SLCO6A1: variants seen among roughly 807,000 people sequenced by gnomAD.
SLCO6A1 encodes the protein solute carrier organic anion transporter family member 6A1.
Under a neutral mutation model 72.7 loss-of-function variants are expected in SLCO6A1, and 65 were observed. The ratio of observed to expected loss-of-function variants is 0.89; its 90% CI spans 0.73 to 1.10. The LOEUF (loss-of-function observed/expected upper bound fraction) is 1.10. Among genes scored for constraint, SLCO6A1 ranks in the 50% least tolerant of loss-of-function variants. The probability of loss-of-function intolerance (pLI) is 0.00; values close to 1 mark genes in which losing one functional copy is unlikely to be tolerated. For missense variants in SLCO6A1, 874 were observed against 872.6 expected, an observed-to-expected ratio of 1.00 and a Z score of -0.02; for synonymous variants, 314 against 298.2, an observed-to-expected ratio of 1.05 and a Z score of -0.55.
rs531261529 is a variant in SLCO6A1, at chr5:102,486,657, A to C, written c.359-6223T>G. Among the ~76,000 whole-genome samples the C allele has an allele frequency of 6.4e-4, 97 of 152,246 alleles. No homozygotes were observed. The Middle Eastern group carries it at 0.01, about 16-fold the overall frequency. On this transcript the variant is annotated intron_variant, in intron 1 of 13. Transcript: ENST00000506729. ...CTTGAACATGAATAAATGTTTGTAAATGTTGATGTTAAATATTATATTTTC... is the reference window on the plus strand; with the variant it reads ...CTTGAACATGAATAAATGTTTGTAACTGTTGATGTTAAATATTATATTTTC...
chr5:102,384,305 T>G (rs981422227), intron 12 of SLCO6A1, among the ~76,000 whole-genome samples: 18 of 151,952 alleles, frequency 1.2e-4, no homozygotes, highest in Admixed American at 3.9e-4. Flanking sequence ...TGATTAGAGA[T>G]TTTAACCTAT....
chr5:102,408,452 A>G (rs1747792570), intron 9 of SLCO6A1, among the ~76,000 whole-genome samples: 1 of 152,154 alleles, frequency 6.6e-6, no homozygotes, highest in Non-Finnish European at 1.5e-5. Context: ...GACTGAAGAT[A>G]CTCTGTGAAA....
chr5:102,442,935 C>T (rs937053436), intron 6 of SLCO6A1, among the ~76,000 whole-genome samples: 3 of 152,102 alleles, frequency 2.0e-5, no homozygotes, highest in African/African-American at 7.2e-5. Context: ...CAGTGGCTCA[C>T]GCCTGTAATC....
chr5:102,476,263 G>C (rs1367642937), intron 3 of SLCO6A1, among the ~76,000 whole-genome samples: 1 of 151,962 alleles, frequency 6.6e-6, no homozygotes, highest in Non-Finnish European at 1.5e-5. Flanking sequence ...CAAAGACATA[G>C]AGAACAGACA....
At chr5:102,465,318 T>G (rs1233828651) in intron 4 of SLCO6A1, among the ~76,000 whole-genome samples, 25 of 150,612 alleles carry the variant, frequency 1.7e-4, no homozygotes, top group Middle Eastern at 3.2e-3. Context: ...TTAGTGGATA[T>G]ATATATATAT....
At chr5:102,451,757 C>T (rs1316178912) in intron 6 of SLCO6A1, among the ~76,000 whole-genome samples, 1 of 152,186 alleles carries the variant, frequency 6.6e-6, no homozygotes, top group Non-Finnish European at 1.5e-5. Context: ...CATGTTGCTT[C>T]CTTGATGAAT....
chr5:102,379,754 TTA>T (rs948674580), intron 12 of SLCO6A1, among the ~76,000 whole-genome samples: 3 of 144,064 alleles, frequency 2.1e-5, no homozygotes, highest in African/African-American at 7.8e-5. Flanking sequence ...CATATGAATT[TTA>T]GTTATTTTGT....
chr5:102,491,735 A>C (rs1336770423), intron 1 of SLCO6A1, among the ~76,000 whole-genome samples: 1 of 151,948 alleles, frequency 6.6e-6, no homozygotes, highest in South Asian at 2.1e-4. Context: ...CTCCCTCCAC[A>C]CCTTCTTGCA....
intron 6 of SLCO6A1, 30 bp downstream of exon 6, chr5:102,458,352 G>T: frequency 6.7e-7 from 1 of 1,493,468 alleles, no homozygotes; most frequent in Non-Finnish European, 9.3e-7. Flanking sequence ...CAACTTAGTT[G>T]GATTGTTCAA....
chr5:102,386,383 G>A (rs184350917), intron 12 of SLCO6A1, among the ~76,000 whole-genome samples: 58 of 152,280 alleles, frequency 3.8e-4, no homozygotes, highest in African/African-American at 1.3e-3. Context: ...CTTTTGGGGT[G>A]GGCCTTGTTT....
chr5:102,398,686 G>T lies in SLCO6A1; in HGVS notation c.1814+869C>A, dbSNP rs867084915. On this transcript the variant is annotated intron_variant, in intron 10 of 13. Transcript: ENST00000506729. ...AGAAGGTCGTGTTAATGTGAATTGGGCCCTTACCTAGCTCAAATCTCTTTG... is the reference window on the plus strand; with the variant it reads ...AGAAGGTCGTGTTAATGTGAATTGGTCCCTTACCTAGCTCAAATCTCTTTG... Among the ~76,000 whole-genome samples the T allele has an allele frequency of 1.3e-4, 20 of 152,142 alleles. No individual in the cohort carries two copies. The South Asian group carries it at 3.9e-3, about 30-fold the overall frequency.
rs1429570180 is a variant in SLCO6A1 at position 102,475,717 on chromosome 5, C to A, written c.879G>T (p.Glu293Asp). The A allele has an allele frequency of 6.2e-7, 1 of 1,602,340 alleles. No individual in the cohort carries two copies. Among genetic ancestry groups the A allele is most frequent in the Non-Finnish European group, 8.5e-7 (1 of 1,174,068 alleles). The part of the protein sequence containing the change: ...VLGAPLVKVP[E>D]NTTSATNTTV... ...CTTACTTTGTTGCAGAAGTAGTATT[C>A]TCAGGGACTTTAACTAGTGGTGCTC... is the stretch of plus-strand genomic sequence containing the variant. The change falls in exon 4 of 14, where the codon GAG (glutamate) becomes GAT (aspartate). Residue 293 changes from glutamate to aspartate, a missense_variant. Transcript: ENST00000506729.
chr5:102,490,923 G>T lies in SLCO6A1; in HGVS notation c.358+7564C>A, dbSNP rs908169859. Among the ~76,000 whole-genome samples, 5 of 152,138 alleles carry T rather than the reference G, an allele frequency of 3.3e-5. No homozygotes were observed. In the East Asian group the frequency reaches 5.8e-4, roughly 18 times the overall value. ...AGTGTGGAAGCGGACTCAGGGGGTTGCCACAGCTGGCTCCGGTAGCCTGCT... is the reference window on the plus strand; with the variant it reads ...AGTGTGGAAGCGGACTCAGGGGGTTTCCACAGCTGGCTCCGGTAGCCTGCT... On this transcript the variant is annotated intron_variant, in intron 1 of 13. Coordinates refer to ENST00000506729, the MANE Select transcript of SLCO6A1 (RefSeq NM_173488.5).
At chr5:102,438,146 T>G (rs925126111) in intron 7 of SLCO6A1, among the ~76,000 whole-genome samples, 1 of 151,950 alleles carries the variant, frequency 6.6e-6, no homozygotes, top group Non-Finnish European at 1.5e-5. Context: ...ACATAAACAA[T>G]AGTATACTCA....
intron 12 of SLCO6A1, among the ~76,000 whole-genome samples, chr5:102,384,868 A>T (rs1746319433): frequency 6.6e-6 from 1 of 152,000 alleles, no homozygotes; most frequent in Admixed American, 6.6e-5. Flanking sequence ...CAACATTAAG[A>T]CCTCCCTTTA....
chr5:102,449,256 T>C (rs1218436579), intron 6 of SLCO6A1, among the ~76,000 whole-genome samples: 1 of 152,148 alleles, frequency 6.6e-6, no homozygotes, highest in African/African-American at 2.4e-5. Flanking sequence ...GGGTTGACTT[T>C]GTAGGTGACC....
At chr5:102,388,254 AACTC>A (rs1317405544) in intron 12 of SLCO6A1, among the ~76,000 whole-genome samples, 1 of 152,186 alleles carries the variant, frequency 6.6e-6, no homozygotes, top group Non-Finnish European at 1.5e-5. Context: ...TTACATATTT[AACTC>A]ACTGACTCAA....
rs1383554223 is a variant in SLCO6A1, at chr5:102,498,749, G to A, written c.96C>T (p.Asp32=). 2 of 1,614,080 alleles carry A rather than the reference G, an allele frequency of 1.2e-6. No homozygotes were observed. The highest frequency in any genetic ancestry group is 1.7e-5 in the Admixed American group (1 of 60,012). ...LEAARAQPAK[D]RRAKGTPKSS... ...ACTTCGGGGTTCCCTTGGCCCTCCT[G>A]TCCTTAGCAGGCTGGGCCCGCGCGG... Residue 32 remains aspartate (D), a synonymous_variant, in exon 1 of 14, where the codon GAC becomes GAT. Coordinates refer to ENST00000506729, the MANE Select transcript of SLCO6A1 (RefSeq NM_173488.5).
At chr5:102,471,181 C>G (rs950870907) in intron 4 of SLCO6A1, among the ~76,000 whole-genome samples, 1 of 152,018 alleles carries the variant, frequency 6.6e-6, no homozygotes, top group African/African-American at 2.4e-5. Flanking sequence ...TCATACTGTT[C>G]GACTGACTTG....
Sources: allele counts gnomAD v4.1 joint callset (sites outside exome capture counted in the v4.1 genomes callset), GRCh38; gene constraint gnomAD v4.1.1; transcripts MANE v1.5; gene names NCBI Gene and HGNC (gene_info 2026-07-23, HGNC 2026-07-21).